DLG2: variants seen among roughly 807,000 people sequenced by gnomAD.
DLG2 encodes discs large MAGUK scaffold protein 2.
In DLG2, 45 loss-of-function variants were observed where a neutral mutation model predicts 132.5. That is an observed-to-expected ratio of 0.34 (90% CI 0.27 to 0.44). The LOEUF is 0.44. Ranked by LOEUF, DLG2 falls within the 20% of genes least tolerant of loss-of-function variation. The probability of loss-of-function intolerance (pLI) is 1.00; values close to 1 mark genes in which losing one functional copy is unlikely to be tolerated. For synonymous variants in DLG2, 424 were observed against 419.6 expected (o/e 1.01, Z -0.13); for missense variants, 1,045 against 1,196.9 (o/e 0.87, Z 1.87).
At position 85,563,419 on chromosome 11, in the gene DLG2, TA is replaced by T. The variant is rs1296170970; in HGVS notation, c.40+35237del. Among the ~76,000 whole-genome samples, 382 of 144,056 alleles carry T rather than the reference TA, an allele frequency of 2.7e-3. 3 individuals carry two copies. Among genetic ancestry groups the T allele is most frequent in the African/African-American group, 6.0e-3 (238 of 39,844 alleles). The allele number at this position is 144,056 out of a possible 152,430, so 94.5% of individuals were successfully genotyped here. A position where few individuals can be genotyped will look rare whatever the true frequency, so the allele number is the denominator to read the frequency against. On this transcript the variant is annotated intron_variant, in intron 3 of 27. Transcript: ENST00000376104. ...AATGTCCATTAGTAAATGAGTGGATTAAAAAAAAAAAAGTTCCTTTGTGCCA... is the reference window on the plus strand; with the variant it reads ...AATGTCCATTAGTAAATGAGTGGATTAAAAAAAAAAAGTTCCTTTGTGCCA...
In DLG2 at chr11:84,451,737, T is replaced by C. The variant is rs999508573; in HGVS notation, c.519+82833A>G. ...CTTACATTGTATTGCAGAAAAGAGA[T>C]AGTACAAAAGATAAATAGAAAAATG... On this transcript the variant is annotated intron_variant, in intron 7 of 27. Coordinates refer to ENST00000376104, the MANE Select transcript of DLG2 (RefSeq NM_001142699.3). Among the ~76,000 whole-genome samples the C allele has an allele frequency of 5.9e-5, 9 of 151,790 alleles. No homozygotes were observed. In the East Asian group the frequency reaches 1.4e-3, roughly 23 times the overall value.
intron 6 of DLG2, among the ~76,000 whole-genome samples, chr11:84,692,663 T>A (rs1056368493): frequency 4.1e-4 from 62 of 151,832 alleles, no homozygotes; most frequent in African/African-American, 1.4e-3. Flanking sequence ...AAATTAAACA[T>A]TTGCTAAGAA....
At chr11:83,747,885 T>C (rs544099382) in intron 18 of DLG2, among the ~76,000 whole-genome samples, 8 of 152,290 alleles carry the variant, frequency 5.3e-5, no homozygotes, top group African/African-American at 1.9e-4. Context: ...CAAACACTCA[T>C]ATAGAGCTTT....
chr11:84,339,932 C>T (rs1246430458), intron 7 of DLG2, among the ~76,000 whole-genome samples: 1 of 152,096 alleles, frequency 6.6e-6, no homozygotes, highest in Non-Finnish European at 1.5e-5. Flanking sequence ...AGTAAATCTC[C>T]TGGCCATACG....
chr11:85,582,105 G>A (rs1485779828), intron 3 of DLG2, among the ~76,000 whole-genome samples: 2 of 152,120 alleles, frequency 1.3e-5, no homozygotes, highest in African/African-American at 4.8e-5. Context: ...CCCCAATGAA[G>A]AGAAAAACAA....
intron 9 of DLG2, among the ~76,000 whole-genome samples, chr11:84,104,585 A>G (rs947264035): frequency 1.3e-5 from 2 of 152,142 alleles, no homozygotes; most frequent in Non-Finnish European, 2.9e-5. Flanking sequence ...TTATAAATTA[A>G]AAATAAAATT....
chr11:84,414,437 T>C (rs1327815002), intron 7 of DLG2, among the ~76,000 whole-genome samples: 3 of 152,174 alleles, frequency 2.0e-5, no homozygotes, highest in Non-Finnish European at 4.4e-5. Context: ...CCTATTTTTG[T>C]GCTGTAGGGA....
Position 83,867,109 on chromosome 11 carries a change from T to C in DLG2, c.1565+7311A>G, listed in dbSNP as rs76762960. On this transcript the variant is annotated intron_variant, in intron 16 of 27. Coordinates refer to ENST00000376104, the MANE Select transcript of DLG2 (RefSeq NM_001142699.3). Reference sequence around the variant, plus strand: ...AAACTCCAAAACCTCAGAAATCATATTGAGCTCTACTTTGTATTTTAATGT... The same window carrying C: ...AAACTCCAAAACCTCAGAAATCATACTGAGCTCTACTTTGTATTTTAATGT... 8.2e-3 allele frequency among the ~76,000 whole-genome samples: 1,248 copies of C among 152,304 alleles called. 5 individuals carry two copies. The highest frequency in any genetic ancestry group is 0.012 in the Non-Finnish European group (801 of 68,028).
intron 9 of DLG2, among the ~76,000 whole-genome samples, chr11:84,144,843 GT>G (rs2095011986): frequency 6.6e-6 from 1 of 151,766 alleles, no homozygotes; most frequent in Non-Finnish European, 1.5e-5. Flanking sequence ...CAGCCTGAGA[GT>G]TAAGCTACAG....
intron 6 of DLG2, chr11:84,923,203 C>T: frequency 6.2e-7 from 1 of 1,601,524 alleles, no homozygotes; most frequent in Non-Finnish European, 8.5e-7. Flanking sequence ...GCATGTGCTA[C>T]TAAAGAGCAT....
intron 7 of DLG2, among the ~76,000 whole-genome samples, chr11:84,528,795 A>C (rs540254453): frequency 6.6e-6 from 1 of 152,324 alleles, no homozygotes; most frequent in African/African-American, 2.4e-5. Flanking sequence ...TGAGAAAATA[A>C]CCCATTAGAT....
At chr11:85,479,889 C>T (rs1212875437) in intron 3 of DLG2, among the ~76,000 whole-genome samples, 2 of 152,160 alleles carry the variant, frequency 1.3e-5, no homozygotes, top group Non-Finnish European at 2.9e-5. Flanking sequence ...AATCTTTGTT[C>T]AAATTTCTCC....
intron 6 of DLG2, among the ~76,000 whole-genome samples, chr11:84,775,650 G>C (rs978881616): frequency 1.3e-5 from 2 of 152,074 alleles, no homozygotes; most frequent in Non-Finnish European, 2.9e-5. Flanking sequence ...CATAATTTTA[G>C]ACAAATTAAC....
chr11:84,953,006 A>C (rs942444161), intron 6 of DLG2, among the ~76,000 whole-genome samples: 1 of 152,220 alleles, frequency 6.6e-6, no homozygotes, highest in East Asian at 1.9e-4. Flanking sequence ...GTTTCATGAA[A>C]TCTTTCCCAC....
At chr11:85,241,441 G>T (rs886857263) in intron 4 of DLG2, among the ~76,000 whole-genome samples, 1 of 151,812 alleles carries the variant, frequency 6.6e-6, no homozygotes, top group African/African-American at 2.4e-5. Context: ...CAGAACTTGA[G>T]ATTGTTATCA....
rs371195762 is a variant in DLG2, at chr11:84,561,915, C to A, written c.358-27184G>T. Among the ~76,000 whole-genome samples the A allele has an allele frequency of 2.4e-3, 359 of 152,022 alleles. 2 individuals are homozygous for A. Among genetic ancestry groups the A allele is most frequent in the African/African-American group, 8.5e-3 (351 of 41,462 alleles). On this transcript the variant is annotated intron_variant, in intron 6 of 27. Coordinates refer to ENST00000376104, the MANE Select transcript of DLG2 (RefSeq NM_001142699.3). The stretch of plus-strand genomic sequence containing the variant: ...AACGAAATTGCAACTGGGTTTCAAC[C>A]AAACAGAATTCACCTAGATAATTTA...
At chr11:84,789,921 C>T (rs973700349) in intron 6 of DLG2, among the ~76,000 whole-genome samples, 3 of 152,108 alleles carry the variant, frequency 2.0e-5, no homozygotes, top group Admixed American at 1.3e-4. Flanking sequence ...GGATCTCATT[C>T]CTTTTTATAG....
At chr11:83,981,422 T>C (rs561900470) in intron 11 of DLG2, among the ~76,000 whole-genome samples, 195 of 152,162 alleles carry the variant, frequency 1.3e-3, no homozygotes, top group Middle Eastern at 6.8e-3. Context: ...ATAAAAAGAA[T>C]GTTAAAAAAT....
At chr11:85,525,478 G>A (rs2074674106) in intron 3 of DLG2, among the ~76,000 whole-genome samples, 1 of 152,070 alleles carries the variant, frequency 6.6e-6, no homozygotes, top group African/African-American at 2.4e-5. Flanking sequence ...GATTTTTAAA[G>A]GAATATACGA....
Sources: gnomAD v4.1 joint callset for allele counts (sites outside exome capture counted in the v4.1 genomes callset) on GRCh38, gnomAD v4.1.1 for gene constraint, MANE v1.5 for transcripts, NCBI Gene and HGNC (gene_info 2026-07-23, HGNC 2026-07-21) for gene names.